FMN1: variants seen among roughly 807,000 people sequenced by gnomAD.
FMN1 encodes formin-1.
FMN1 carries 110 observed loss-of-function variants against 132.4 expected under a neutral mutation model. The ratio of observed to expected loss-of-function variants is 0.83; its 90% CI spans 0.71 to 0.97. The LOEUF (loss-of-function observed/expected upper bound fraction) is 0.97, where lower values mean the gene tolerates loss of function less well. Ranked by LOEUF, FMN1 falls within the 50% of genes least tolerant of loss-of-function variation. The pLI is 0.00. For synonymous variants in FMN1, 722 were observed against 651.7 expected (o/e 1.11, Z -1.64); for missense variants, 1,792 against 1,705.3 (o/e 1.05, Z -0.90).
chr15:32,933,388 A>C (rs34048616), intron 9 of FMN1, among the ~76,000 whole-genome samples: 4,629 of 152,244 alleles, frequency 0.03, 242 homozygotes, highest in African/African-American at 0.11. Context: ...TTGTTTTCTG[A>C]CATAACGTGT....
At chr15:32,986,025 G>A (rs145282276) in intron 7 of FMN1, among the ~76,000 whole-genome samples, 19 of 152,050 alleles carry the variant, frequency 1.2e-4, no homozygotes, top group African/African-American at 4.1e-4. Flanking sequence ...GGGAAGAGGG[G>A]TCATGAAAAT....
At chr15:32,894,782 TAAA>T (rs36138638) in intron 15 of FMN1, among the ~76,000 whole-genome samples, 2 of 141,118 alleles carry the variant, frequency 1.4e-5, no homozygotes, top group Admixed American at 7.1e-5. Flanking sequence ...AGAAGACAGT[TAAA>T]AAAAAAAAAA....
chr15:33,054,348 G>A (rs890564722), intron 6 of FMN1, among the ~76,000 whole-genome samples: 20 of 152,084 alleles, frequency 1.3e-4, no homozygotes, highest in African/African-American at 4.1e-4. Context: ...CTACAATCCT[G>A]TAAATTAAAA....
At chr15:32,843,082 A>G (rs893423870) in intron 17 of FMN1, among the ~76,000 whole-genome samples, 1 of 150,692 alleles carries the variant, frequency 6.6e-6, no homozygotes, top group African/African-American at 2.4e-5. Context: ...AGCCGAGATC[A>G]CACCATTGCA....
chr15:33,060,582 T>C (rs1222777097), intron 6 of FMN1, among the ~76,000 whole-genome samples: 1 of 152,180 alleles, frequency 6.6e-6, no homozygotes, highest in Non-Finnish European at 1.5e-5. Context: ...CCACATGTCT[T>C]GACAATTTGC....
intron 10 of FMN1, among the ~76,000 whole-genome samples, chr15:32,910,940 G>A (rs980754658): frequency 1.3e-5 from 2 of 152,212 alleles, no homozygotes; most frequent in African/African-American, 4.8e-5. Context: ...GAAAGAAAGA[G>A]AGAAAAAAGA....
chr15:32,836,159 C>T (rs1199937764), intron 17 of FMN1, among the ~76,000 whole-genome samples: 1 of 152,054 alleles, frequency 6.6e-6, no homozygotes, highest in Non-Finnish European at 1.5e-5. Context: ...CTGCTCACAG[C>T]TGGGATTACA....
intron 4 of FMN1, among the ~76,000 whole-genome samples, chr15:33,140,640 G>A (rs1190075238): frequency 3.2e-4 from 49 of 152,172 alleles, no homozygotes; most frequent in Non-Finnish European, 5.9e-5. Flanking sequence ...GATGGAAGAA[G>A]CACAAAGCAA....
At chr15:32,911,561 G>C (rs1210127364) in intron 10 of FMN1, among the ~76,000 whole-genome samples, 6 of 152,048 alleles carry the variant, frequency 3.9e-5, no homozygotes, top group Non-Finnish European at 8.8e-5. Context: ...GAGGTATTTT[G>C]CTTCTTCTGT....
chr15:32,808,243 A>G (rs1384939080), intron 17 of FMN1, among the ~76,000 whole-genome samples: 1 of 152,236 alleles, frequency 6.6e-6, no homozygotes, highest in Admixed American at 6.5e-5. Context: ...CTATGGGCCC[A>G]AGGAATGCAA....
chr15:32,856,950 GA>G (rs2059146274), intron 17 of FMN1, 64 bp downstream of exon 17: 1 of 1,221,950 alleles, frequency 8.2e-7, no homozygotes, highest in Admixed American at 1.7e-5. Context: ...GGGCCTCAGA[GA>G]AAGATTCATG....
chr15:33,049,508 G>A (rs191637685), intron 6 of FMN1, among the ~76,000 whole-genome samples: 1 of 152,186 alleles, frequency 6.6e-6, no homozygotes, highest in Non-Finnish European at 1.5e-5. Context: ...AGTAATTTAT[G>A]ATGGTGATAG....
chr15:32,928,450 T>C (rs548664835), intron 9 of FMN1, among the ~76,000 whole-genome samples: 4 of 152,160 alleles, frequency 2.6e-5, no homozygotes, highest in Non-Finnish European at 5.9e-5. Flanking sequence ...TTAAGAAAAG[T>C]CAATTTAGCC....
intron 9 of FMN1, among the ~76,000 whole-genome samples, chr15:32,955,594 G>C (rs908929143): frequency 6.6e-6 from 1 of 152,136 alleles, no homozygotes; most frequent in African/African-American, 2.4e-5. Context: ...GAGGATAAAT[G>C]AATGAGATTT....
At chr15:32,831,137 GGTTT>G (rs1235550287) in intron 17 of FMN1, among the ~76,000 whole-genome samples, 1 of 151,974 alleles carries the variant, frequency 6.6e-6, no homozygotes, top group Non-Finnish European at 1.5e-5. Context: ...TTTCCTCAAG[GGTTT>G]TTTTATTCAA....
In FMN1 at chr15:32,769,283, C is replaced by T. The variant is rs1195666356; in HGVS notation, c.*5027G>A. The T allele has an allele frequency of 6.6e-6, 1 of 152,200 alleles. No homozygotes were observed. Among genetic ancestry groups the T allele is most frequent in the African/African-American group, 2.4e-5 (1 of 41,462 alleles). The allele number at this position is 152,200 out of a possible 1,614,324, so 9.4% of individuals were successfully genotyped here. A position where few individuals can be genotyped will look rare whatever the true frequency, so the allele number is the denominator to read the frequency against. On this transcript the variant is annotated 3_prime_UTR_variant, in exon 21 of 21. Coordinates refer to ENST00000616417, the MANE Select transcript of FMN1 (RefSeq NM_001277313.2). ...GATACTGAATTGGCTTCAAATTTGA[C>T]ATGTTAAAACTCTCTTAAATTCATC...
At chr15:32,898,432 G>A (rs1298115650) in intron 15 of FMN1, among the ~76,000 whole-genome samples, 1 of 152,178 alleles carries the variant, frequency 6.6e-6, no homozygotes, top group Non-Finnish European at 1.5e-5. Flanking sequence ...TCTGTTCATA[G>A]ATTCATTACT....
intron 4 of FMN1, among the ~76,000 whole-genome samples, chr15:33,142,872 T>C (rs2444969): frequency 1.3e-5 from 2 of 151,982 alleles, no homozygotes; most frequent in African/African-American, 4.8e-5. Flanking sequence ...CTATAAAATG[T>C]ACCTTGGTTC....
At chr15:33,130,443 G>A (rs1292879284) in intron 4 of FMN1, among the ~76,000 whole-genome samples, 1 of 152,172 alleles carries the variant, frequency 6.6e-6, no homozygotes, top group African/African-American at 2.4e-5. Context: ...GGGCTGCACT[G>A]TAGTTTATTA....
Sources: gnomAD v4.1 joint callset for allele counts (sites outside exome capture counted in the v4.1 genomes callset) on GRCh38, gnomAD v4.1.1 for gene constraint, MANE v1.5 for transcripts, NCBI Gene and HGNC (gene_info 2026-07-23, HGNC 2026-07-21) for gene names.